TMEM132B: variants seen among roughly 807,000 people sequenced by gnomAD.
TMEM132B encodes the protein transmembrane protein 132B.
TMEM132B carries 18 observed loss-of-function variants against 90.8 expected under a neutral mutation model. The ratio of observed to expected loss-of-function variants is 0.20; its 90% CI spans 0.14 to 0.29. The LOEUF (loss-of-function observed/expected upper bound fraction) is 0.29. Ranked by LOEUF, TMEM132B falls within the 10% of genes least tolerant of loss-of-function variation. The pLI, the probability that TMEM132B is intolerant of heterozygous loss-of-function variation, is 1.00. For missense variants in TMEM132B, 1,096 were observed against 1,326.8 expected (o/e 0.83, Z 2.70); for synonymous variants, 504 against 523.3 (o/e 0.96, Z 0.50).
chr12:125,340,782 T>C (rs1380427037), intron 1 of TMEM132B, among the ~76,000 whole-genome samples: 3 of 152,238 alleles, frequency 2.0e-5, no homozygotes, highest in Non-Finnish European at 4.4e-5. Flanking sequence ...CCAAAAGCTG[T>C]CAGCAGTCTT....
intron 3 of TMEM132B, among the ~76,000 whole-genome samples, chr12:125,423,917 T>A (rs1436980100): frequency 6.6e-6 from 1 of 152,212 alleles, no homozygotes; most frequent in Admixed American, 6.5e-5. Flanking sequence ...TAATGATTAT[T>A]ATCAAGCCCT....
chr12:125,192,412 T>C (rs1237416790), intron 1 of TMEM132B, among the ~76,000 whole-genome samples: 2 of 152,220 alleles, frequency 1.3e-5, no homozygotes, highest in African/African-American at 2.4e-5. Flanking sequence ...TTAAGGGATG[T>C]GTCTTGAGTC....
At chr12:125,436,474 G>A (rs1260278332) in intron 3 of TMEM132B, among the ~76,000 whole-genome samples, 1 of 152,188 alleles carries the variant, frequency 6.6e-6, no homozygotes. Context: ...AATCCAAGAT[G>A]ACTGGTGTCT....
chr12:125,228,510 C>T (rs1303679588), intron 1 of TMEM132B, among the ~76,000 whole-genome samples: 2 of 152,164 alleles, frequency 1.3e-5, no homozygotes, highest in African/African-American at 2.4e-5. Context: ...GCATTTCTGC[C>T]GTGCTTCTGT....
Position 125,378,398 on chromosome 12 carries a change from G to A in TMEM132B, c.959+28055G>A, listed in dbSNP as rs575282355. 1.2e-4 allele frequency among the ~76,000 whole-genome samples: 18 copies of A among 152,268 alleles called. No homozygotes were observed. The East Asian group carries it at 2.7e-3, about 23-fold the overall frequency. ...AATGACAGTGCCTCAGTCAAGCAGGGCCTTAGTTTTCTCCCATAAGAAGAA... is the reference window on the plus strand; with the variant it reads ...AATGACAGTGCCTCAGTCAAGCAGGACCTTAGTTTTCTCCCATAAGAAGAA... On this transcript the variant is annotated intron_variant, in intron 2 of 8. Coordinates refer to ENST00000682704, the MANE Select transcript of TMEM132B (RefSeq NM_001366854.1).
chr12:125,484,842 CAATCCTTCT>C (rs1198328475), intron 3 of TMEM132B, among the ~76,000 whole-genome samples: 1 of 152,060 alleles, frequency 6.6e-6, no homozygotes, highest in Non-Finnish European at 1.5e-5. Flanking sequence ...TTTGCTCAGG[CAATCCTTCT>C]ACCTTGGGTT....
At chr12:125,355,748 C>T (rs1397460741) in intron 2 of TMEM132B, among the ~76,000 whole-genome samples, 1 of 152,062 alleles carries the variant, frequency 6.6e-6, no homozygotes, top group Non-Finnish European at 1.5e-5. Flanking sequence ...CAGATCAAAG[C>T]GTGAATGTGC....
chr12:125,464,823 C>T (rs1195358838), intron 3 of TMEM132B, among the ~76,000 whole-genome samples: 1 of 152,210 alleles, frequency 6.6e-6, no homozygotes, highest in Admixed American at 6.5e-5. Context: ...CAATCAGCAT[C>T]AAGGGCATGG....
At chr12:125,322,717 T>C (rs138136981) in intron 1 of TMEM132B, among the ~76,000 whole-genome samples, 24 of 152,304 alleles carry the variant, frequency 1.6e-4, no homozygotes, top group African/African-American at 5.3e-4. Flanking sequence ...ATTCATATGG[T>C]TCAAATTTCA....
intron 1 of TMEM132B, among the ~76,000 whole-genome samples, chr12:125,219,120 T>C (rs1873503800): frequency 6.6e-6 from 1 of 152,222 alleles, no homozygotes; most frequent in Non-Finnish European, 1.5e-5. Flanking sequence ...GCTCAAGATA[T>C]ATTGCTGGAG....
In TMEM132B at chr12:125,460,308, T is replaced by C. The variant is rs1881403588; in HGVS notation, c.1106+44631T>C. Reference sequence around the variant, plus strand: ...GAGTTTGAGACCAGCCTGCCCAACATGGTGAAACCCCATCTCTACTGAAAA... The same window carrying C: ...GAGTTTGAGACCAGCCTGCCCAACACGGTGAAACCCCATCTCTACTGAAAA... On this transcript the variant is annotated intron_variant, in intron 3 of 8. Transcript: ENST00000682704. This position sits in a 1 kb window ranked among gnomAD's most constrained non-coding sequence, Gnocchi z 4.4. Among the ~76,000 whole-genome samples, 1 of 152,020 alleles carries C rather than the reference T, an allele frequency of 6.6e-6. No homozygotes were observed. Among genetic ancestry groups the C allele is most frequent in the East Asian group, 1.9e-4 (1 of 5,162 alleles).
chr12:125,463,582 T>C (rs1215472897), intron 3 of TMEM132B, among the ~76,000 whole-genome samples: 2 of 152,164 alleles, frequency 1.3e-5, no homozygotes, highest in African/African-American at 4.8e-5. Flanking sequence ...ACAGAAGCAA[T>C]ATGTAGTCAC....
At chr12:125,342,593 C>G (rs1020858736) in intron 1 of TMEM132B, among the ~76,000 whole-genome samples, 2 of 152,198 alleles carry the variant, frequency 1.3e-5, no homozygotes, top group African/African-American at 4.8e-5. Flanking sequence ...CTATCTGCTT[C>G]TTCCATTTTG....
chr12:125,285,313 C>T (rs1224791493), intron 1 of TMEM132B, among the ~76,000 whole-genome samples: 3 of 152,164 alleles, frequency 2.0e-5, no homozygotes, highest in African/African-American at 7.2e-5. Context: ...TCCTGGCTAG[C>T]ACTAATGTTA....
chr12:125,273,051 G>A (rs1214985854), intron 1 of TMEM132B, among the ~76,000 whole-genome samples: 1 of 152,240 alleles, frequency 6.6e-6, no homozygotes, highest in Non-Finnish European at 1.5e-5. Context: ...AACTTGAATA[G>A]ATACAAAATC....
At chr12:125,373,567 C>T (rs188944862) in intron 2 of TMEM132B, among the ~76,000 whole-genome samples, 12 of 152,220 alleles carry the variant, frequency 7.9e-5, no homozygotes, top group Admixed American at 3.3e-4. Context: ...CTGTTTAAGG[C>T]GCCCCCAGTC....
chr12:125,606,543 TTGTA>T (rs370248325), intron 5 of TMEM132B, among the ~76,000 whole-genome samples: 14 of 152,372 alleles, frequency 9.2e-5, no homozygotes, highest in African/African-American at 3.4e-4. Context: ...GTATGCATGT[TTGTA>T]TGTGTGCTTA....
intron 6 of TMEM132B, among the ~76,000 whole-genome samples, chr12:125,644,482 A>T (rs1385481884): frequency 2.0e-5 from 3 of 152,164 alleles, no homozygotes; most frequent in African/African-American, 7.2e-5. Context: ...GAAGATGATA[A>T]TAATAATAAT....
At chr12:125,502,233 C>T (rs998769370) in intron 3 of TMEM132B, among the ~76,000 whole-genome samples, 1 of 152,194 alleles carries the variant, frequency 6.6e-6, no homozygotes, top group African/African-American at 2.4e-5. Context: ...GATCTCTCTC[C>T]CCATCACTTT....
Sources: gnomAD v4.1 joint callset for allele counts (sites outside exome capture counted in the v4.1 genomes callset) on GRCh38, gnomAD v4.1.1 for gene constraint, Gnocchi (gnomAD v3.1) non-coding constraint, MANE v1.5 for transcripts, NCBI Gene and HGNC (gene_info 2026-07-23, HGNC 2026-07-21) for gene names.